Variants in SLC2A9 observed in about 807,000 individuals in gnomAD.
SLC2A9 encodes solute carrier family 2, facilitated glucose transporter member 9.
In SLC2A9, 39 loss-of-function variants were observed where a neutral mutation model predicts 50.6. The observed-to-expected ratio is 0.77, with a 90% CI of 0.60 to 1.01. The LOEUF (loss-of-function observed/expected upper bound fraction) is 1.01. Among genes scored for constraint, SLC2A9 ranks in the 50% least tolerant of loss-of-function variants. The probability of loss-of-function intolerance (pLI) is 0.00; values close to 1 mark genes in which losing one functional copy is unlikely to be tolerated. For missense variants in SLC2A9, 686 were observed against 677.6 expected (o/e 1.01, Z -0.14); for synonymous variants, 324 against 276.9 (o/e 1.17, Z -1.69).
At chr4:9,946,668 T>C (rs542920253) in intron 5 of SLC2A9, among the ~76,000 whole-genome samples, 7 of 152,350 alleles carry the variant, frequency 4.6e-5, no homozygotes, top group South Asian at 4.1e-4. Context: ...ATGGCTTACA[T>C]TGATCAAGTG....
intron 1 of SLC2A9, among the ~76,000 whole-genome samples, chr4:10,038,282 G>A (rs539708575): frequency 1.1e-3 from 169 of 151,892 alleles, no homozygotes; most frequent in African/African-American, 3.1e-3. Flanking sequence ...CGAGGCGGGC[G>A]GATCACTTGA....
At chr4:9,831,027 C>G (rs538184671) in intron 11 of SLC2A9, among the ~76,000 whole-genome samples, 1 of 152,332 alleles carries the variant, frequency 6.6e-6, no homozygotes, top group South Asian at 2.1e-4. Context: ...GGCTTCAATA[C>G]AGGCGTGATT....
chr4:9,798,326 C>A (rs1199645627), downstream of SLC2A9, among the ~76,000 whole-genome samples: 2 of 152,208 alleles, frequency 1.3e-5, no homozygotes, highest in Non-Finnish European at 2.9e-5. Context: ...ACTTGCCCAG[C>A]TGATTTAGAA....
At chr4:9,942,762 T>C (rs1357587284) in intron 5 of SLC2A9, among the ~76,000 whole-genome samples, 1 of 152,216 alleles carries the variant, frequency 6.6e-6, no homozygotes, top group Non-Finnish European at 1.5e-5. Flanking sequence ...ATCAAGGTAG[T>C]ATTCGTCCTA....
intron 10 of SLC2A9, among the ~76,000 whole-genome samples, chr4:9,842,464 C>T (rs1205421930): frequency 6.6e-6 from 1 of 152,154 alleles, no homozygotes; most frequent in Admixed American, 6.5e-5. Context: ...TCAAATCTTT[C>T]TTCATGACCA....
At chr4:9,990,382 TA>T (rs1343654870) in intron 3 of SLC2A9, among the ~76,000 whole-genome samples, 1 of 152,080 alleles carries the variant, frequency 6.6e-6, no homozygotes, top group Non-Finnish European at 1.5e-5. Flanking sequence ...TGTTGGGTGC[TA>T]GGGGCCATAA....
At chr4:9,931,242 C>T (rs1253217097) in intron 6 of SLC2A9, among the ~76,000 whole-genome samples, 1 of 152,190 alleles carries the variant, frequency 6.6e-6, no homozygotes, top group Non-Finnish European at 1.5e-5. Flanking sequence ...AGTAAGAGGG[C>T]TTCCTGTGGC....
At chr4:9,794,135 G>C (rs925581623), downstream of SLC2A9, among the ~76,000 whole-genome samples, 1 of 151,324 alleles carries the variant, frequency 6.6e-6, no homozygotes, top group Non-Finnish European at 1.5e-5. Flanking sequence ...TGTGCAGAGC[G>C]ATCTCATTAA....
At chr4:9,934,624 G>A (rs1330000999) in intron 6 of SLC2A9, among the ~76,000 whole-genome samples, 3 of 152,204 alleles carry the variant, frequency 2.0e-5, no homozygotes, top group Non-Finnish European at 4.4e-5. Flanking sequence ...TAGTAGCAGA[G>A]CTGGATTTAC....
intron 5 of SLC2A9, among the ~76,000 whole-genome samples, chr4:9,949,405 G>A (rs553262104): frequency 1.1e-4 from 16 of 152,246 alleles, no homozygotes; most frequent in Admixed American, 9.1e-4. Context: ...TGCTAAAACT[G>A]TCCTATATGT....
At chr4:9,791,587 CT>C (rs1719925057) in intron 3 of SLC2A9, among the ~76,000 whole-genome samples, 1 of 152,122 alleles carries the variant, frequency 6.6e-6, no homozygotes, top group Non-Finnish European at 1.5e-5. Flanking sequence ...GGAGGACAGG[CT>C]TTTTTGTTCT....
At chr4:10,027,613 G>A (rs1186865111) in intron 1 of SLC2A9, among the ~76,000 whole-genome samples, 1 of 152,084 alleles carries the variant, frequency 6.6e-6, no homozygotes, top group South Asian at 2.1e-4. Context: ...TGGAGCTTCT[G>A]TCACAGTGGT....
chr4:9,858,589 T>A (rs994524970), intron 10 of SLC2A9, among the ~76,000 whole-genome samples: 1 of 152,136 alleles, frequency 6.6e-6, no homozygotes, highest in African/African-American at 2.4e-5. Context: ...GTATTAATAG[T>A]CACGTCAGGA....
chr4:9,791,828 C>A (rs750302862), intron 3 of SLC2A9, among the ~76,000 whole-genome samples: 1 of 152,088 alleles, frequency 6.6e-6, no homozygotes, highest in African/African-American at 2.4e-5. Flanking sequence ...GAAGACCCAG[C>A]GAATCTTTGC....
chr4:9,902,026 C>G (rs1739725669), intron 8 of SLC2A9, among the ~76,000 whole-genome samples: 1 of 152,198 alleles, frequency 6.6e-6, no homozygotes, highest in Non-Finnish European at 1.5e-5. Context: ...AATTAATCTG[C>G]CTTCGAGCTG....
intron 10 of SLC2A9, among the ~76,000 whole-genome samples, chr4:9,840,860 T>A (rs964293882): frequency 2.0e-5 from 3 of 152,170 alleles, no homozygotes; most frequent in African/African-American, 7.2e-5. Context: ...TCAGGAAACT[T>A]ACAATCGTGG....
chr4:9,835,082 C>A, intron 10 of SLC2A9, 74 bp from the exon 11 acceptor site: 2 of 1,607,698 alleles, frequency 1.2e-6, no homozygotes, highest in Non-Finnish European at 1.7e-6. Context: ...TCTCCATCTG[C>A]CACACTTTAG....
intron 3 of SLC2A9, among the ~76,000 whole-genome samples, chr4:9,812,021 T>C (rs1405142989): frequency 1.3e-5 from 2 of 152,182 alleles, no homozygotes; most frequent in Non-Finnish European, 2.9e-5. Context: ...AATAAGAAAC[T>C]TCCTTCTTTT....
chr4:10,015,155 T>C (rs1306745708), intron 2 of SLC2A9, among the ~76,000 whole-genome samples: 3 of 152,176 alleles, frequency 2.0e-5, no homozygotes, highest in African/African-American at 7.2e-5. Flanking sequence ...CAGTGAAACC[T>C]TGCTCTGTCT....
Sources: allele counts gnomAD v4.1 joint callset (sites outside exome capture counted in the v4.1 genomes callset), GRCh38; gene constraint gnomAD v4.1.1; transcripts MANE v1.5; gene names NCBI Gene and HGNC (gene_info 2026-07-23, HGNC 2026-07-21).